The following TELO2 variants were observed in gnomAD, a reference collection of about 807,000 sequenced individuals.
The protein encoded by TELO2 is telomere maintenance 2, also known as telomere length regulation protein TEL2 homolog.
In TELO2, 71 loss-of-function variants were observed where a neutral mutation model predicts 91.0. The observed-to-expected ratio is 0.78, with a 90% CI of 0.64 to 0.95. The LOEUF (loss-of-function observed/expected upper bound fraction) is 0.95, where lower values mean the gene tolerates loss of function less well. TELO2 is among the 40% of genes least tolerant of loss of function. The pLI is 0.00. For synonymous variants in TELO2, 584 were observed against 518.9 expected (o/e 1.13, Z -1.71); for missense variants, 1,183 against 1,141.3 (o/e 1.04, Z -0.53).
intron 3 of TELO2, among the ~76,000 whole-genome samples, 169 bp downstream of exon 3, chr16:1,495,792 C>T (rs750297574): frequency 1.2e-4 from 19 of 152,242 alleles, no homozygotes; most frequent in East Asian, 3.8e-4. Context: ...AGGGCTCATC[C>T]GCTGTGGGCT....
chr16:1,505,234 C>G lies in TELO2; in HGVS notation c.1843-176C>G, dbSNP rs1222767422. On this transcript the variant is annotated intron_variant, in intron 15 of 20. Coordinates refer to ENST00000262319, the MANE Select transcript of TELO2 (RefSeq NM_016111.4). The surrounding 1 kb of genome is among the most constrained non-coding windows in gnomAD (Gnocchi z 4.3). Reference sequence around the variant, plus strand: ...CCACCTTCCCCACCTTCCCGCCTACCAAGGCGCGGTTGCTGTGAGCTACGG... The same window carrying G: ...CCACCTTCCCCACCTTCCCGCCTACGAAGGCGCGGTTGCTGTGAGCTACGG... 8.6e-6 allele frequency: 6 copies of G among 701,412 alleles called. No homozygotes were observed. The highest frequency in any genetic ancestry group is 1.1e-5 in the Non-Finnish European group (5 of 436,294). The allele number at this position is 701,412 out of a possible 1,614,324, so 43.4% of individuals were successfully genotyped here. A position where few individuals can be genotyped will look rare whatever the true frequency, so the allele number is the denominator to read the frequency against.
At chr16:1,509,142 C>G (rs1216893782) in intron 20 of TELO2, among the ~76,000 whole-genome samples, 1 of 152,204 alleles carries the variant, frequency 6.6e-6, no homozygotes, top group Non-Finnish European at 1.5e-5. Flanking sequence ...GCGACGTCAT[C>G]ATCTGGGGGC....
intron 13 of TELO2, 81 bp from the exon 14 acceptor site, chr16:1,502,564 G>A: frequency 1.3e-6 from 2 of 1,544,762 alleles, no homozygotes; most frequent in South Asian, 1.2e-5. Flanking sequence ...GGGGTGGGTG[G>A]CTCCGGCCCT....
intron 17 of TELO2, 118 bp downstream of exon 17, chr16:1,506,447 T>C (rs1229451430): frequency 1.8e-5 from 28 of 1,569,974 alleles, no homozygotes; most frequent in Non-Finnish European, 2.2e-5. Context: ...GGGTCGTGCT[T>C]TGCTGTGGCT....
Position 1,502,638 on chromosome 16 carries a change from C to T in TELO2, c.1654-7C>T, listed in dbSNP as rs747311663. On this transcript the variant is annotated splice_polypyrimidine_tract_variant and splice_region_variant and intron_variant, in intron 13 of 20. Coordinates refer to ENST00000262319, the MANE Select transcript of TELO2 (RefSeq NM_016111.4). ...ACAGGTTTCCCAGCCCTAACCCCTG[C>T]GTGCAGGTGAGCGTGGAGCTGGCCA... 37 of 1,610,042 alleles carry T rather than the reference C, an allele frequency of 2.3e-5. No individual in the cohort carries two copies. Among genetic ancestry groups the T allele is most frequent in the African/African-American group, 1.2e-4 (9 of 74,930 alleles).
At chr16:1,503,047 G>T (rs80120333) in intron 15 of TELO2, 45 bp downstream of exon 15, 1 of 1,601,190 alleles carries the variant, frequency 6.2e-7, no homozygotes, top group African/African-American at 1.3e-5. Context: ...GGCCCAAGCT[G>T]CCCTAAGGTG....
rs754162070 is a variant in TELO2 at position 1,502,986 on chromosome 16, G to T, written c.1826G>T (p.Arg609Leu). 44 of 1,610,742 alleles carry T rather than the reference G, an allele frequency of 2.7e-5. No individual in the cohort carries two copies. Among genetic ancestry groups the T allele is most frequent in the Non-Finnish European group, 3.7e-5 (44 of 1,180,012 alleles). The change falls in exon 15 of 21, where the codon CGC becomes CTC. Residue 609 changes from arginine (R) to leucine (L), a missense_variant. Physicochemically the swap from Arg to Leu is moderately radical, Grantham distance 102 (BLOSUM62 -2). Transcript: ENST00000262319. The stretch of plus-strand genomic sequence containing the variant: ...GCCCTCAACTACAGCCTCCGGCAGC[G>T]CATGGACATCCTGGATGTAAGTGCC... ...FYALNYSLRQ[R>L]MDILDVLTLA...
rs377493603 is a variant in TELO2 at position 1,507,386 on chromosome 16, G to C, written c.2291+16G>C. ...ACATCGATGCGTGAGTGGCCTGTGG[G>C]GCTGGGCCAGGCCAGGGGTGCAGGC... On this transcript the variant is annotated intron_variant, in intron 19 of 20. Coordinates refer to ENST00000262319, the MANE Select transcript of TELO2 (RefSeq NM_016111.4). 171 of 1,609,042 alleles carry C rather than the reference G, an allele frequency of 1.1e-4. No individual in the cohort carries two copies. Among genetic ancestry groups the C allele is most frequent in the South Asian group, 1.6e-4 (15 of 91,010 alleles).
In TELO2 at chr16:1,494,084, T is replaced by G. The variant is rs1363899736; in HGVS notation, c.-36-162T>G. On this transcript the variant is annotated intron_variant, in intron 1 of 20. Coordinates refer to ENST00000262319, the MANE Select transcript of TELO2 (RefSeq NM_016111.4). This position sits in a 1 kb window ranked among gnomAD's most constrained non-coding sequence, Gnocchi z 5.6. ...TTGGGGTCCGAGCGGAGGAGCGAAC[T>G]CTGGGTGGAAACCGGCAGGCACTGG... is the stretch of plus-strand genomic sequence containing the variant. 1.3e-5 allele frequency among the ~76,000 whole-genome samples: 2 copies of G among 151,690 alleles called. No individual in the cohort carries two copies. Among genetic ancestry groups the G allele is most frequent in the African/African-American group, 4.8e-5 (2 of 41,292 alleles).
At chr16:1,504,147 A>T (rs1488997147) in intron 15 of TELO2, among the ~76,000 whole-genome samples, 1 of 151,200 alleles carries the variant, frequency 6.6e-6, no homozygotes, top group East Asian at 1.9e-4. Flanking sequence ...AAAAAAAAAA[A>T]AAAGCAGCCG....
chr16:1,506,186 T>C, intron 16 of TELO2, 52 bp from the exon 17 acceptor site: 1 of 1,592,326 alleles, frequency 6.3e-7, no homozygotes, highest in Admixed American at 1.7e-5. Context: ...AGGGGTGCCG[T>C]GCCCGCTGCC....
Position 1,501,651 on chromosome 16 carries a change from G to T in TELO2, c.1362-12G>T. 6.2e-7 allele frequency: 1 copy of T among 1,600,418 alleles called. No individual in the cohort carries two copies. Among genetic ancestry groups the T allele is most frequent in the South Asian group, 1.1e-5 (1 of 89,948 alleles). On this transcript the variant is annotated splice_polypyrimidine_tract_variant and intron_variant, in intron 10 of 20. Coordinates refer to ENST00000262319, the MANE Select transcript of TELO2 (RefSeq NM_016111.4). ...GGCCCCTAAAGGATTTTTGTTCCTT[G>T]TTTCCTTAAAGCACGTCCCTCGTTC... is the stretch of plus-strand genomic sequence containing the variant.
chr16:1,499,415 T>C, intron 6 of TELO2, 82 bp downstream of exon 6: 1 of 1,490,352 alleles, frequency 6.7e-7, no homozygotes, highest in Non-Finnish European at 9.3e-7. Flanking sequence ...CGGAGCGGTG[T>C]CTGCTGCCTG....
Position 1,493,961 on chromosome 16 carries a change from C to T in TELO2, c.-36-285C>T, listed in dbSNP as rs1333203452. On this transcript the variant is annotated intron_variant, in intron 1 of 20. Transcript: ENST00000262319. The surrounding 1 kb of genome is among the most constrained non-coding windows in gnomAD (Gnocchi z 4.3). ...CACTCACCAGCATCTCTAGCCTCCA[C>T]CTCCCTCTCGCGCCAGTGGCACTCC... is the stretch of plus-strand genomic sequence containing the variant. 6.6e-6 allele frequency among the ~76,000 whole-genome samples: 1 copy of T among 152,244 alleles called. No individual in the cohort carries two copies. Among genetic ancestry groups the T allele is most frequent in the African/African-American group, 2.4e-5 (1 of 41,466 alleles).
In TELO2 at chr16:1,494,886, A is replaced by G. The variant is rs1261512558; in HGVS notation, c.335+270A>G. On this transcript the variant is annotated intron_variant, in intron 2 of 20. Coordinates refer to ENST00000262319, the MANE Select transcript of TELO2 (RefSeq NM_016111.4). The surrounding 1 kb of genome is among the most constrained non-coding windows in gnomAD (Gnocchi z 5.6). ...GGAGTGTTCACATCCCAGGCGGCAGAGGCAGCCCGTCAGCTGGGGACGTTC... is the reference window on the plus strand; with the variant it reads ...GGAGTGTTCACATCCCAGGCGGCAGGGGCAGCCCGTCAGCTGGGGACGTTC... Among the ~76,000 whole-genome samples, 1 of 152,176 alleles carries G rather than the reference A, an allele frequency of 6.6e-6. No homozygotes were observed. The highest frequency in any genetic ancestry group is 2.4e-5 in the African/African-American group (1 of 41,432).
intron 5 of TELO2, 33 bp from the exon 6 acceptor site, chr16:1,499,198 C>G: frequency 2.2e-5 from 36 of 1,609,824 alleles, no homozygotes; most frequent in Non-Finnish European, 3.1e-5. Flanking sequence ...TCCAGGCCGG[C>G]TTGCAGCTCT....
chr16:1,507,429 T>C (rs569329479), intron 19 of TELO2, 59 bp downstream of exon 19: 5 of 1,594,500 alleles, frequency 3.1e-6, no homozygotes, highest in African/African-American at 1.3e-5. Flanking sequence ...GGGGTCTTAT[T>C]GTGGGGGCCC....
rs563480879 is a variant in TELO2, at chr16:1,497,364, A to G, written c.686A>G (p.Glu229Gly). 2.7e-4 allele frequency: 425 copies of G among 1,546,042 alleles called. 2 individuals are homozygous for G. The highest frequency in any genetic ancestry group is 1.4e-4 in the Non-Finnish European group (161 of 1,144,768). ...GKACVHGRQQ[E>G]ILGVLVPRLA... ...GGTCCTCCGTCTGTCCCCTCAGAGGAGATCCTGGGCGTGCTGGTACCCCGG... is the reference window on the plus strand; with the variant it reads ...GGTCCTCCGTCTGTCCCCTCAGAGGGGATCCTGGGCGTGCTGGTACCCCGG... The change falls in exon 5 of 21, where the codon GAG (glutamate) becomes GGG (glycine). Residue 229 changes from glutamate (E) to glycine (G), a missense_variant. Physicochemically the swap from Glu to Gly is moderately conservative, Grantham distance 98 (BLOSUM62 -2). Transcript: ENST00000262319. This position sits in a 1 kb window ranked among gnomAD's most constrained non-coding sequence, Gnocchi z 4.0.
Position 1,502,654 on chromosome 16 carries a change from G to T in TELO2, c.1663G>T (p.Glu555Ter). 5 of 1,611,700 alleles carry T rather than the reference G, an allele frequency of 3.1e-6. No homozygotes were observed. Among genetic ancestry groups the T allele is most frequent in the Non-Finnish European group, 4.2e-6 (5 of 1,179,794 alleles). The change falls in exon 14 of 21, where the codon GAG (glutamate) becomes TAG (stop). Residue 555 changes from glutamate (E) to a stop codon, truncating the protein, a stop_gained. Transcript: ENST00000262319. LOFTEE classifies it high-confidence loss of function. ...TAACCCCTGCGTGCAGGTGAGCGTG[G>T]AGCTGGCCAAGGTGCTTCTGCATCT... The part of the protein sequence containing the change: ...SPTATREVSV[E>*]LAKVLLHLEE...
Sources: allele counts gnomAD v4.1 joint callset (sites outside exome capture counted in the v4.1 genomes callset), GRCh38; gene constraint gnomAD v4.1.1; non-coding constraint Gnocchi (gnomAD v3.1); transcripts MANE v1.5; gene names NCBI Gene and HGNC (gene_info 2026-07-23, HGNC 2026-07-21).